The following SLCO3A1 variants were observed in gnomAD, a reference collection of about 807,000 sequenced individuals.
The protein encoded by SLCO3A1 is solute carrier organic anion transporter family member 3A1.
SLCO3A1 carries 27 observed loss-of-function variants against 63.1 expected under a neutral mutation model. That is an observed-to-expected ratio of 0.43 (90% CI 0.32 to 0.59). The LOEUF is 0.59. Ranked by LOEUF, SLCO3A1 falls within the 20% of genes least tolerant of loss-of-function variation. The pLI is 0.09. For missense variants in SLCO3A1, 773 were observed against 945.8 expected, an observed-to-expected ratio of 0.82 and a Z score of 2.40; for synonymous variants, 473 against 409.9, an observed-to-expected ratio of 1.15 and a Z score of -1.86.
At chr15:92,167,551 G>A (rs190254051), downstream of SLCO3A1, among the ~76,000 whole-genome samples, 918 of 152,260 alleles carry the variant, frequency 6.0e-3, 9 homozygotes, top group Non-Finnish European at 0.01. Context: ...CCGCAAGAAC[G>A]TAATCCCTTA....
intron 4 of SLCO3A1, among the ~76,000 whole-genome samples, chr15:92,119,672 G>T (rs936553818): frequency 6.6e-6 from 1 of 152,196 alleles, no homozygotes; most frequent in Non-Finnish European, 1.5e-5. Context: ...AAGAGGAGGG[G>T]CTAGGGGGTG....
chr15:91,874,642 C>T (rs1194700500), intron 1 of SLCO3A1, among the ~76,000 whole-genome samples: 1 of 152,182 alleles, frequency 6.6e-6, no homozygotes, highest in African/African-American at 2.4e-5. Flanking sequence ...AGTCGTCTGT[C>T]GATGGACACT....
chr15:92,054,811 A>G (rs1049747173), intron 2 of SLCO3A1, among the ~76,000 whole-genome samples: 1 of 152,170 alleles, frequency 6.6e-6, no homozygotes. Context: ...ATAGTATTCC[A>G]TAGTGTATAT....
intron 2 of SLCO3A1, among the ~76,000 whole-genome samples, chr15:91,962,178 C>T (rs1484131439): frequency 6.6e-6 from 1 of 152,102 alleles, no homozygotes; most frequent in Non-Finnish European, 1.5e-5. Context: ...CTAGAGTGGA[C>T]ATTTTAAGAA....
intron 2 of SLCO3A1, among the ~76,000 whole-genome samples, chr15:92,014,099 T>G (rs1457091457): frequency 6.6e-6 from 1 of 152,052 alleles, no homozygotes; most frequent in Non-Finnish European, 1.5e-5. Flanking sequence ...AGGCTAAAGC[T>G]TAAACCTGAG....
At chr15:91,938,674 A>G (rs143039871) in intron 2 of SLCO3A1, among the ~76,000 whole-genome samples, 20 of 152,308 alleles carry the variant, frequency 1.3e-4, no homozygotes, top group South Asian at 1.0e-3. Context: ...CTGAGGCCAG[A>G]GAGATTAACT....
chr15:91,921,932 G>A (rs1004020255), intron 2 of SLCO3A1, among the ~76,000 whole-genome samples: 6 of 151,610 alleles, frequency 4.0e-5, no homozygotes, highest in East Asian at 1.9e-4. Context: ...ACAGGGTTTC[G>A]TCATGTTGTC....
chr15:92,083,552 A>C (rs2047371579), intron 2 of SLCO3A1, among the ~76,000 whole-genome samples: 1 of 152,168 alleles, frequency 6.6e-6, no homozygotes, highest in Non-Finnish European at 1.5e-5. Flanking sequence ...CTGAAATTCT[A>C]TTGCAATAGA....
At chr15:92,113,826 G>A (rs796665878) in intron 4 of SLCO3A1, among the ~76,000 whole-genome samples, 10 of 152,352 alleles carry the variant, frequency 6.6e-5, no homozygotes, top group African/African-American at 2.2e-4. Flanking sequence ...AGAATCGACA[G>A]TGTAAATGAA....
At chr15:92,065,037 G>A (rs2047132699) in intron 2 of SLCO3A1, among the ~76,000 whole-genome samples, 3 of 151,960 alleles carry the variant, frequency 2.0e-5, no homozygotes, top group Admixed American at 2.0e-4. Context: ...CAACATAATG[G>A]TTGAGGTGAT....
chr15:91,891,963 T>C (rs532005396), intron 1 of SLCO3A1, among the ~76,000 whole-genome samples: 3 of 152,344 alleles, frequency 2.0e-5, no homozygotes, highest in Admixed American at 6.5e-5. Context: ...AGGTGGTGAA[T>C]GGGATTTGGC....
chr15:92,130,814 T>C (rs2047983443), intron 7 of SLCO3A1, among the ~76,000 whole-genome samples: 1 of 149,550 alleles, frequency 6.7e-6, no homozygotes, highest in Non-Finnish European at 1.5e-5. Context: ...AAATGGTGGC[T>C]ATATTCCTGG....
intron 8 of SLCO3A1, chr15:92,149,050 GGCATT>G (rs1358394935): frequency 6.6e-6 from 1 of 152,284 alleles, no homozygotes; most frequent in East Asian, 1.9e-4. Flanking sequence ...ATACACTAAA[GGCATT>G]GGAGAAGCAT....
chr15:92,030,637 T>C (rs1051279529), intron 2 of SLCO3A1, among the ~76,000 whole-genome samples: 4 of 152,170 alleles, frequency 2.6e-5, no homozygotes, highest in African/African-American at 9.7e-5. Context: ...TCATCTTTTC[T>C]TGGACCTCGG....
At chr15:92,077,435 C>T (rs1055124891) in intron 2 of SLCO3A1, among the ~76,000 whole-genome samples, 2 of 152,184 alleles carry the variant, frequency 1.3e-5, no homozygotes, top group South Asian at 2.1e-4. Flanking sequence ...CTCCTACAGG[C>T]GGGGGAGCCA....
chr15:91,861,015 C>G (rs1284523008), intron 1 of SLCO3A1, among the ~76,000 whole-genome samples: 4 of 152,182 alleles, frequency 2.6e-5, no homozygotes, highest in Admixed American at 2.6e-4. Context: ...AGCCTTCCCG[C>G]CCCCAGTCTG....
intron 10 of SLCO3A1, chr15:92,171,316 A>G (rs1006090540): frequency 6.5e-6 from 1 of 153,908 alleles, no homozygotes; most frequent in Admixed American, 6.5e-5. Flanking sequence ...ATCTGTGGCT[A>G]CACAAAAAAA....
At chr15:92,074,035 G>C (rs2151517318) in intron 2 of SLCO3A1, among the ~76,000 whole-genome samples, 1 of 152,318 alleles carries the variant, frequency 6.6e-6, no homozygotes, top group South Asian at 2.1e-4. Flanking sequence ...GCTGGGCATG[G>C]TGTCAGGCAC....
At chr15:92,098,706 G>A (rs1365165793) in intron 3 of SLCO3A1, among the ~76,000 whole-genome samples, 2 of 132,908 alleles carry the variant, frequency 1.5e-5, no homozygotes, top group African/African-American at 2.8e-5. Flanking sequence ...GTTAGGTGAG[G>A]CATTATCATG....
Sources: gnomAD v4.1 joint callset for allele counts (sites outside exome capture counted in the v4.1 genomes callset) on GRCh38, gnomAD v4.1.1 for gene constraint, MANE v1.5 for transcripts, NCBI Gene and HGNC (gene_info 2026-07-23, HGNC 2026-07-21) for gene names.